The following ATRN variants were observed in gnomAD, a reference collection of about 807,000 sequenced individuals.
ATRN encodes attractin.
Under a neutral mutation model 178.7 loss-of-function variants are expected in ATRN, and 54 were observed. That is an observed-to-expected ratio of 0.30 (90% CI 0.24 to 0.38). The LOEUF is 0.38. Ranked by LOEUF, ATRN falls within the 10% of genes least tolerant of loss-of-function variation. The probability of loss-of-function intolerance (pLI) is 1.00; values close to 1 mark genes in which losing one functional copy is unlikely to be tolerated. For synonymous variants in ATRN, 636 were observed against 663.0 expected, an observed-to-expected ratio of 0.96 and a Z score of 0.63; for missense variants, 1,443 against 1,815.1, an observed-to-expected ratio of 0.79 and a Z score of 3.73.
rs182532851 is a variant in ATRN at position 3,565,319 on chromosome 20, G to T, written c.1787-29G>T. The T allele has an allele frequency of 5.7e-5, 90 of 1,573,264 alleles. No individual in the cohort carries two copies. In the African/African-American group the frequency reaches 1.2e-3, roughly 20 times the overall value. ...TCCTGTTGATTAGAAATGGTAGTCCGTTTAAAAATATATTTTTCTTTCTCC... is the reference window on the plus strand; with the variant it reads ...TCCTGTTGATTAGAAATGGTAGTCCTTTTAAAAATATATTTTTCTTTCTCC... On this transcript the variant is annotated intron_variant, in intron 10 of 28. Transcript: ENST00000262919.
In ATRN at chr20:3,604,347, TA is replaced by T. The variant is rs2086651454; in HGVS notation, c.3801+88del. 4 of 1,432,388 alleles carry T rather than the reference TA, an allele frequency of 2.8e-6. No homozygotes were observed. The African/African-American group carries it at 5.7e-5, about 21-fold the overall frequency. 88.7% of individuals were successfully genotyped at this position (1,432,388 alleles called of 1,614,324 possible). ...AAATTTACTAATTTGGAGCTTGTGG[TA>T]AATGAGATGTGCAATGTGGCTTTGC... On this transcript the variant is annotated intron_variant, in intron 24 of 28. Transcript: ENST00000262919.
intron 24 of ATRN, among the ~76,000 whole-genome samples, chr20:3,611,198 A>G (rs2086759464): frequency 6.6e-6 from 1 of 152,208 alleles, no homozygotes; most frequent in African/African-American, 2.4e-5. Context: ...TGGACCACAT[A>G]AAACCAAAAG....
At chr20:3,542,989 A>G (rs189341091) in intron 3 of ATRN, among the ~76,000 whole-genome samples, 19 of 152,116 alleles carry the variant, frequency 1.2e-4, no homozygotes, top group Admixed American at 9.8e-4. Context: ...TCTTGTCAGT[A>G]CTTATTCCTT....
intron 22 of ATRN, among the ~76,000 whole-genome samples, chr20:3,599,127 T>C (rs1391184260): frequency 6.6e-6 from 1 of 152,126 alleles, no homozygotes; most frequent in Non-Finnish European, 1.5e-5. Context: ...GTAAAAATAA[T>C]AAATTACTTT....
At chr20:3,582,111 T>C in intron 15 of ATRN, 24 bp from the exon 16 acceptor site, 1 of 1,582,582 alleles carries the variant, frequency 6.3e-7, no homozygotes, top group Non-Finnish European at 8.7e-7. Flanking sequence ...TCTGTATTCA[T>C]AGTTGTGTCT....
At chr20:3,612,040 C>T (rs1010597818) in intron 24 of ATRN, among the ~76,000 whole-genome samples, 1 of 152,172 alleles carries the variant, frequency 6.6e-6, no homozygotes, top group African/African-American at 2.4e-5. Context: ...TCTCTGTACA[C>T]CCGTGTTTAT....
chr20:3,549,816 T>A (rs926110187), intron 6 of ATRN, among the ~76,000 whole-genome samples: 1 of 152,130 alleles, frequency 6.6e-6, no homozygotes, highest in Non-Finnish European at 1.5e-5. Flanking sequence ...TAGAAAAAAA[T>A]TTATAAACAT....
At chr20:3,494,839 A>C (rs934753537) in intron 1 of ATRN, among the ~76,000 whole-genome samples, 1 of 152,156 alleles carries the variant, frequency 6.6e-6, no homozygotes, top group Non-Finnish European at 1.5e-5. Context: ...ACCTTGATCT[A>C]GCCAGGACAA....
chr20:3,495,201 C>T (rs1348877077), intron 1 of ATRN, among the ~76,000 whole-genome samples: 4 of 152,058 alleles, frequency 2.6e-5, no homozygotes, highest in South Asian at 2.1e-4. Context: ...CTGATAGAGA[C>T]GAAACTTTGG....
Position 3,471,079 on chromosome 20 carries a change from T to G in ATRN, c.-29T>G. 1 of 1,505,436 alleles carries G rather than the reference T, an allele frequency of 6.6e-7. No individual in the cohort carries two copies. Among genetic ancestry groups the G allele is most frequent in the Non-Finnish European group, 8.8e-7 (1 of 1,133,850 alleles). 93.3% of individuals were successfully genotyped at this position (1,505,436 alleles called of 1,614,324 possible). ...GGCCGTGCGGTGTGTGTGTATGTGT[T>G]CGCGGGGCGCCGTCTCAGCCCCGGG... is the stretch of plus-strand genomic sequence containing the variant. On this transcript the variant is annotated 5_prime_UTR_variant, in exon 1 of 29. Coordinates refer to ENST00000262919, the MANE Select transcript of ATRN (RefSeq NM_139321.3).
intron 1 of ATRN, among the ~76,000 whole-genome samples, chr20:3,515,645 A>G (rs1282506708): frequency 6.6e-6 from 1 of 152,238 alleles, no homozygotes; most frequent in Non-Finnish European, 1.5e-5. Flanking sequence ...GACAACTTTC[A>G]ACAAGATTTT....
intron 11 of ATRN, among the ~76,000 whole-genome samples, chr20:3,567,878 A>G (rs1373276421): frequency 6.6e-6 from 1 of 152,200 alleles, no homozygotes; most frequent in African/African-American, 2.4e-5. Flanking sequence ...TGGATTCACA[A>G]TTGCTGAGAA....
intron 12 of ATRN, among the ~76,000 whole-genome samples, chr20:3,574,259 C>T (rs1380432893): frequency 2.6e-5 from 4 of 152,200 alleles, no homozygotes; most frequent in South Asian, 2.1e-4. Context: ...TGCCGGTAAT[C>T]CCAGCACTTT....
intron 19 of ATRN, among the ~76,000 whole-genome samples, chr20:3,591,752 A>T (rs1018896746): frequency 6.6e-6 from 1 of 152,162 alleles, no homozygotes; most frequent in African/African-American, 2.4e-5. Context: ...GGACTGGGAA[A>T]GTCCTGGGTT....
At chr20:3,483,472 G>T (rs977365571) in intron 1 of ATRN, among the ~76,000 whole-genome samples, 4 of 152,062 alleles carry the variant, frequency 2.6e-5, no homozygotes, top group Non-Finnish European at 5.9e-5. Flanking sequence ...TCAGCCTCTG[G>T]AATAGCTGAG....
chr20:3,587,554 T>C (rs2086375233), intron 18 of ATRN, among the ~76,000 whole-genome samples: 1 of 152,166 alleles, frequency 6.6e-6, no homozygotes, highest in African/African-American at 2.4e-5. Flanking sequence ...TAGGAACTTT[T>C]TTCTAAGCTC....
At chr20:3,500,593 A>G (rs1200377714) in intron 1 of ATRN, among the ~76,000 whole-genome samples, 1 of 150,144 alleles carries the variant, frequency 6.7e-6, no homozygotes, top group African/African-American at 2.4e-5. Flanking sequence ...AGAACAAAAA[A>G]CCAAACACTG....
At chr20:3,490,108 G>A (rs2084765223) in intron 1 of ATRN, 1 of 1,448,804 alleles carries the variant, frequency 6.9e-7, no homozygotes, top group African/African-American at 1.4e-5. Flanking sequence ...TTTGATTTGG[G>A]ATTTTTGGCA....
At position 3,646,892 on chromosome 20, in the gene ATRN, C is replaced by T. The variant is rs747287849; in HGVS notation, c.*45C>T. ...CCCACGCACGAGCTAGTGAGTGGCA[C>T]ACCAGAGCCATCTGCAGGGAAGGGC... is the stretch of plus-strand genomic sequence containing the variant. On this transcript the variant is annotated 3_prime_UTR_variant, in exon 29 of 29. Coordinates refer to ENST00000262919, the MANE Select transcript of ATRN (RefSeq NM_139321.3). 3.7e-6 allele frequency: 6 copies of T among 1,606,646 alleles called. No individual in the cohort carries two copies. Among genetic ancestry groups the T allele is most frequent in the Non-Finnish European group, 5.1e-6 (6 of 1,176,064 alleles).
Sources: allele counts gnomAD v4.1 joint callset (sites outside exome capture counted in the v4.1 genomes callset), GRCh38; gene constraint gnomAD v4.1.1; transcripts MANE v1.5; gene names NCBI Gene and HGNC (gene_info 2026-07-23, HGNC 2026-07-21).